Variants in GRIK3 observed in about 807,000 individuals in gnomAD.
The protein encoded by GRIK3 is glutamate receptor ionotropic, kainate 3.
A neutral mutation model predicts 102.5 loss-of-function variants in GRIK3; 29 were observed. The ratio of observed to expected loss-of-function variants is 0.28; its 90% confidence interval spans 0.21 to 0.39. GRIK3 has a LOEUF of 0.39. GRIK3 is among the 10% of genes least tolerant of loss of function. The probability of loss-of-function intolerance (pLI) is 1.00; values close to 1 mark genes in which losing one functional copy is unlikely to be tolerated. For synonymous variants in GRIK3, 511 were observed against 504.9 expected, an observed-to-expected ratio of 1.01 and a Z score of -0.16; for missense variants, 908 against 1,252.4, an observed-to-expected ratio of 0.73 and a Z score of 4.15.
intron 1 of GRIK3, among the ~76,000 whole-genome samples, chr1:36,902,814 G>A (rs983683596): frequency 6.6e-6 from 1 of 151,650 alleles, no homozygotes; most frequent in African/African-American, 2.4e-5. Flanking sequence ...TTTTGAAACA[G>A]GGTCTTGCTC....
chr1:36,949,346 T>A, intron 1 of GRIK3, among the ~76,000 whole-genome samples: 1 of 152,142 alleles, frequency 6.6e-6, no homozygotes, highest in Admixed American at 6.5e-5. Context: ...GGGCCCTCAC[T>A]CTGTCTCTTT....
intron 13 of GRIK3, among the ~76,000 whole-genome samples, chr1:36,811,909 C>T (rs1212117260): frequency 1.3e-5 from 2 of 152,196 alleles, no homozygotes; most frequent in Admixed American, 6.5e-5. Flanking sequence ...AGTGAAGTGA[C>T]TTGCCTAAGG....
In GRIK3 at chr1:36,800,073, TCA is replaced by T. The variant is rs1642423837; in HGVS notation, c.*1776_*1777del. On this transcript the variant is annotated 3_prime_UTR_variant, in exon 16 of 16. Coordinates refer to ENST00000373091, the MANE Select transcript of GRIK3 (RefSeq NM_000831.4). ...GAACCTGCTGGTTTGGTCCTGCAGC[TCA>T]CAGTCTGGAGGAGGGACAGTGTTTA... The T allele has an allele frequency of 6.6e-6, 1 of 152,204 alleles. No individual in the cohort carries two copies. Among genetic ancestry groups the T allele is most frequent in the South Asian group, 2.1e-4 (1 of 4,816 alleles). 9.4% of individuals were successfully genotyped at this position (152,204 alleles called of 1,614,324 possible).
At chr1:36,822,470 G>A (rs1642705841) in intron 11 of GRIK3, among the ~76,000 whole-genome samples, 1 of 152,226 alleles carries the variant, frequency 6.6e-6, no homozygotes, top group African/African-American at 2.4e-5. Context: ...CTCGGCCACA[G>A]GAGAGAAGAG....
At chr1:36,961,484 T>G (rs1642008586) in intron 1 of GRIK3, among the ~76,000 whole-genome samples, 1 of 152,062 alleles carries the variant, frequency 6.6e-6, no homozygotes, top group South Asian at 2.1e-4. Flanking sequence ...CAGCAGGCAC[T>G]GAGAGGGGTG....
At chr1:37,011,062 G>A (rs1403514976) in intron 1 of GRIK3, among the ~76,000 whole-genome samples, 1 of 152,068 alleles carries the variant, frequency 6.6e-6, no homozygotes, top group Non-Finnish European at 1.5e-5. Flanking sequence ...CTTTTGTCCC[G>A]CCAGTCCAAG....
chr1:37,032,487 G>C (rs540818721), intron 1 of GRIK3, among the ~76,000 whole-genome samples: 7 of 140,046 alleles, frequency 5.0e-5, no homozygotes, highest in African/African-American at 2.1e-4. Flanking sequence ...GTCCATTACT[G>C]GGGGGGGAAG....
chr1:36,802,019 A>G lies in GRIK3; in HGVS notation c.2592T>C (p.Asp864=), dbSNP rs780333453. The G allele has an allele frequency of 5.6e-6, 9 of 1,612,286 alleles. No homozygotes were observed. The East Asian group carries it at 2.0e-4, about 36-fold the overall frequency. The stretch of plus-strand genomic sequence containing the variant: ...GGCAGGTAAGGGAGAAACGGATCTC[A>G]TCGGCCACGGTGCTGCAGAAGGAAC... ...EQRSFCSTVA[D]EIRFSLTCQR... Residue 864 remains aspartate, a synonymous_variant, in exon 16 of 16, where the codon GAT becomes GAC. Transcript: ENST00000373091.
chr1:36,965,856 C>T (rs1268176190), intron 1 of GRIK3, among the ~76,000 whole-genome samples: 1 of 152,194 alleles, frequency 6.6e-6, no homozygotes, highest in East Asian at 1.9e-4. Flanking sequence ...GCCCAGCTTG[C>T]CTCTTGCACA....
chr1:36,845,906 A>G (rs1395221950), intron 9 of GRIK3, among the ~76,000 whole-genome samples: 3 of 152,070 alleles, frequency 2.0e-5, no homozygotes, highest in East Asian at 1.9e-4. Flanking sequence ...CTGGCAGGCA[A>G]TTGAGCCTAT....
chr1:36,949,378 T>A (rs1641818061), intron 1 of GRIK3, among the ~76,000 whole-genome samples: 1 of 152,106 alleles, frequency 6.6e-6, no homozygotes, highest in Admixed American at 6.6e-5. Context: ...CAGCCAAATG[T>A]GGACAGGGCT....
At chr1:37,024,509 G>A (rs1569579481) in intron 1 of GRIK3, among the ~76,000 whole-genome samples, 2 of 150,022 alleles carry the variant, frequency 1.3e-5, no homozygotes, top group Admixed American at 1.3e-4. Context: ...GCTCTTGGGA[G>A]GCTGAAGCGG....
intron 4 of GRIK3, 118 bp from the exon 5 acceptor site, chr1:36,869,919 G>C (rs779794175): frequency 5.5e-6 from 4 of 733,488 alleles, no homozygotes; most frequent in Non-Finnish European, 9.8e-6. Flanking sequence ...GCTGCTTGGA[G>C]TAAGGTGTCC....
In GRIK3 at chr1:36,872,966, C is replaced by T. The variant is rs561864088; in HGVS notation, c.551-597G>A. Among the ~76,000 whole-genome samples the T allele has an allele frequency of 1.9e-3, 289 of 152,342 alleles. 1 individual carries two copies. The Middle Eastern group carries it at 0.024, about 13-fold the overall frequency. ...AGGTATTTGTGTCTCCGCCCTCGTC[C>T]TCACTAAGGGCAGTCTGCCTTGGTA... On this transcript the variant is annotated intron_variant, in intron 3 of 15. Transcript: ENST00000373091. This position sits in a 1 kb window ranked among gnomAD's most constrained non-coding sequence, Gnocchi z 5.9.
At chr1:36,890,060 C>A (rs570513813) in intron 2 of GRIK3, among the ~76,000 whole-genome samples, 1 of 152,158 alleles carries the variant, frequency 6.6e-6, no homozygotes, top group South Asian at 2.1e-4. Flanking sequence ...GACACAACAG[C>A]AGAGAGAGGG....
intron 1 of GRIK3, among the ~76,000 whole-genome samples, chr1:36,940,038 A>G (rs1641702123): frequency 6.6e-6 from 1 of 152,384 alleles, no homozygotes; most frequent in Admixed American, 6.5e-5. Context: ...AAGACAACAC[A>G]GTCCCTCTGT....
rs530094577 is a variant in GRIK3, at chr1:36,980,086, C to A, written c.115+53908G>T. Among the ~76,000 whole-genome samples the A allele has an allele frequency of 3.3e-5, 5 of 152,322 alleles. No individual in the cohort carries two copies. In the South Asian group the frequency reaches 1.0e-3, roughly 32 times the overall value. On this transcript the variant is annotated intron_variant, in intron 1 of 15. Coordinates refer to ENST00000373091, the MANE Select transcript of GRIK3 (RefSeq NM_000831.4). ...CTGTGTCTTTTCCTAGTAAAGCTCC[C>A]TCTGAGAATCTGACTTTATTGTAGT...
intron 1 of GRIK3, among the ~76,000 whole-genome samples, chr1:36,901,825 G>A (rs1480324141): frequency 4.6e-5 from 7 of 152,186 alleles, no homozygotes; most frequent in Admixed American, 6.5e-5. Context: ...GAAAATCCAC[G>A]TGAATCAGGA....
At chr1:36,991,540 T>C (rs1236765362) in intron 1 of GRIK3, among the ~76,000 whole-genome samples, 5 of 152,170 alleles carry the variant, frequency 3.3e-5, no homozygotes, top group Admixed American at 6.5e-5. Context: ...ACCTTCATTT[T>C]ACAGATGAAA....
Sources: allele counts gnomAD v4.1 joint callset (sites outside exome capture counted in the v4.1 genomes callset), GRCh38; gene constraint gnomAD v4.1.1; non-coding constraint Gnocchi (gnomAD v3.1); transcripts MANE v1.5; gene names NCBI Gene and HGNC (gene_info 2026-07-23, HGNC 2026-07-21).